Variants in PAX7 observed in about 807,000 individuals in gnomAD.
PAX7 encodes paired box 7.
PAX7 carries 18 observed loss-of-function variants against 50.7 expected under a neutral mutation model. The observed-to-expected ratio is 0.36, with a 90% CI of 0.25 to 0.53. The LOEUF is 0.53. PAX7 is among the 20% of genes least tolerant of loss of function. PAX7 has a pLI of 0.93. For synonymous variants in PAX7, 310 were observed against 290.4 expected (o/e 1.07, Z -0.69); for missense variants, 644 against 702.9 (o/e 0.92, Z 0.95).
chr1:18,635,511 T>TAGGAAGGAAGGAAGGAAGGA (rs138334090), intron 3 of PAX7, among the ~76,000 whole-genome samples: 7,004 of 134,426 alleles, frequency 0.052, 452 homozygotes, highest in African/African-American at 0.12. Flanking sequence ...GGAAGGAAGG[T>TAGGAAGGAAGGAAGGAAGGA]AGGAAGGAAG....
chr1:18,669,313 G>T (rs543056512), intron 4 of PAX7, among the ~76,000 whole-genome samples: 1 of 152,180 alleles, frequency 6.6e-6, no homozygotes, highest in Non-Finnish European at 1.5e-5. Context: ...GGAATCCATA[G>T]CCTCTTTAGA....
At chr1:18,662,067 A>G (rs1028692957) in intron 4 of PAX7, among the ~76,000 whole-genome samples, 53 of 143,022 alleles carry the variant, frequency 3.7e-4, no homozygotes, top group Non-Finnish European at 7.5e-5. Context: ...CCAGTGTCCT[A>G]GAGACCTGCT....
chr1:18,711,413 C>T (rs1388132868), intron 7 of PAX7, among the ~76,000 whole-genome samples: 1 of 152,194 alleles, frequency 6.6e-6, no homozygotes, highest in Non-Finnish European at 1.5e-5. Flanking sequence ...TCACTGCCAT[C>T]CCTTCTGTTT....
At chr1:18,638,143 T>C (rs1183532745) in intron 4 of PAX7, among the ~76,000 whole-genome samples, 2 of 152,332 alleles carry the variant, frequency 1.3e-5, no homozygotes, top group Middle Eastern at 3.4e-3. Context: ...CAGAGGAGGT[T>C]TGGTTTTCCT....
At chr1:18,703,434 A>C in intron 7 of PAX7, 138 bp downstream of exon 7, 1 of 748,802 alleles carries the variant, frequency 1.3e-6, no homozygotes. Context: ...AGAATCAGGA[A>C]TCCTCCCTGG....
rs567409947 is a variant in PAX7 at position 18,688,513 on chromosome 1, C to T, written c.587-3241C>T. Among the ~76,000 whole-genome samples, 6 of 152,342 alleles carry T rather than the reference C, an allele frequency of 3.9e-5. No individual in the cohort carries two copies. The East Asian group carries it at 1.2e-3, about 29-fold the overall frequency. On this transcript the variant is annotated intron_variant, in intron 4 of 8. Transcript: ENST00000420770. ...TCAAAACCCCATGTAGCTAGTACTG[C>T]CACATTGAACACTGCGAATCTAGAA...
intron 4 of PAX7, among the ~76,000 whole-genome samples, chr1:18,666,877 T>C (rs756274059): frequency 3.3e-5 from 5 of 152,170 alleles, no homozygotes; most frequent in Admixed American, 6.5e-5. Flanking sequence ...GAAGTGGGAT[T>C]GAATTTCCTC....
At chr1:18,725,674 A>G (rs985182411) in intron 7 of PAX7, among the ~76,000 whole-genome samples, 2 of 152,184 alleles carry the variant, frequency 1.3e-5, no homozygotes, top group African/African-American at 2.4e-5. Context: ...AAATAGTCAT[A>G]TCTTTTCCAG....
intron 4 of PAX7, among the ~76,000 whole-genome samples, chr1:18,654,311 TA>T (rs1274757478): frequency 6.6e-6 from 1 of 151,968 alleles, no homozygotes; most frequent in Non-Finnish European, 1.5e-5. Flanking sequence ...GACCAGTGAT[TA>T]GGGGAGAGTT....
At chr1:18,650,877 A>G (rs550565014) in intron 4 of PAX7, among the ~76,000 whole-genome samples, 248 of 152,256 alleles carry the variant, frequency 1.6e-3, no homozygotes, top group Non-Finnish European at 2.1e-3. Context: ...CCCATCTGCC[A>G]GGGTACCATG....
chr1:18,739,592 G>T (rs776349905), intron 8 of PAX7, among the ~76,000 whole-genome samples: 2 of 152,204 alleles, frequency 1.3e-5, no homozygotes, highest in African/African-American at 2.4e-5. Flanking sequence ...AAGGTCACCC[G>T]GCAGCCCATA....
intron 4 of PAX7, among the ~76,000 whole-genome samples, chr1:18,646,912 C>T (rs1167836091): frequency 1.4e-5 from 2 of 145,222 alleles, no homozygotes; most frequent in Non-Finnish European, 3.0e-5. Context: ...GCGGCCCGCC[C>T]GCGCCCGGGC....
In PAX7 at chr1:18,748,006, G is replaced by A. The variant is rs1931517449; in HGVS notation, c.*3077G>A. On this transcript the variant is annotated 3_prime_UTR_variant, in exon 9 of 9. Coordinates refer to ENST00000420770, the MANE Select transcript of PAX7 (RefSeq NM_001135254.2). Reference sequence around the variant, plus strand: ...CTATATAAAGAAAAAAAGAAGTGATGTGTAAGAACCAAGCTATGCTTTTAT... The same window carrying A: ...CTATATAAAGAAAAAAAGAAGTGATATGTAAGAACCAAGCTATGCTTTTAT... The A allele has an allele frequency of 4.9e-6, 1 of 204,074 alleles. No individual in the cohort carries two copies. The highest frequency in any genetic ancestry group is 1.9e-4 in the South Asian group (1 of 5,240). 12.6% of individuals were successfully genotyped at this position (204,074 alleles called of 1,614,324 possible).
chr1:18,692,920 G>A (rs1000631230), intron 5 of PAX7, among the ~76,000 whole-genome samples: 1 of 152,162 alleles, frequency 6.6e-6, no homozygotes, highest in Non-Finnish European at 1.5e-5. Context: ...GCCTGCTGTA[G>A]GGGGCCTGGG....
chr1:18,639,893 C>T (rs2088223390), intron 4 of PAX7, among the ~76,000 whole-genome samples: 2 of 146,698 alleles, frequency 1.4e-5, no homozygotes, highest in Non-Finnish European at 3.0e-5. Flanking sequence ...ATGGAAAGGC[C>T]AATGAGGTTA....
intron 4 of PAX7, among the ~76,000 whole-genome samples, chr1:18,650,023 G>A (rs1001866707): frequency 2.6e-5 from 4 of 152,306 alleles, no homozygotes; most frequent in African/African-American, 9.6e-5. Flanking sequence ...TTTAGTGGAG[G>A]GGAAGCAGTG....
intron 7 of PAX7, among the ~76,000 whole-genome samples, chr1:18,707,047 G>C (rs544589632): frequency 6.6e-6 from 1 of 152,174 alleles, no homozygotes; most frequent in Non-Finnish European, 1.5e-5. Flanking sequence ...ATCTCTGCAC[G>C]TGCCCCCTGG....
chr1:18,657,875 G>A (rs979247832), intron 4 of PAX7, among the ~76,000 whole-genome samples: 5 of 152,108 alleles, frequency 3.3e-5, no homozygotes, highest in African/African-American at 7.2e-5. Flanking sequence ...CTATTGAAGC[G>A]GATTGATGAA....
At chr1:18,635,351 T>A in intron 3 of PAX7, 111 bp downstream of exon 3, 1 of 1,290,910 alleles carries the variant, frequency 7.7e-7, no homozygotes, top group Non-Finnish European at 1.1e-6. Context: ...ACTGTGAACT[T>A]ACTGAGAAGT....
Sources: allele counts gnomAD v4.1 joint callset (sites outside exome capture counted in the v4.1 genomes callset), GRCh38; gene constraint gnomAD v4.1.1; transcripts MANE v1.5; gene names NCBI Gene and HGNC (gene_info 2026-07-23, HGNC 2026-07-21).